Variants in PRKN observed in about 807,000 individuals in gnomAD.
PRKN encodes the protein E3 ubiquitin-protein ligase parkin.
In PRKN, 56 loss-of-function variants were observed where a neutral mutation model predicts 59.5. The ratio of observed to expected loss-of-function variants is 0.94; its 90% CI spans 0.76 to 1.18. PRKN has a LOEUF of 1.18. Among genes scored for constraint, PRKN ranks in the 50% most tolerant of loss-of-function variants. PRKN has a pLI of 0.00. For missense variants in PRKN, 657 were observed against 596.4 expected, an observed-to-expected ratio of 1.10 and a Z score of -1.06; for synonymous variants, 250 against 222.1, an observed-to-expected ratio of 1.13 and a Z score of -1.12.
intron 2 of PRKN, among the ~76,000 whole-genome samples, chr6:162,319,403 T>C (rs1378707303): frequency 6.6e-6 from 1 of 152,012 alleles, no homozygotes; most frequent in Non-Finnish European, 1.5e-5. Flanking sequence ...CGTCCGTTGC[T>C]GCAGTTGATT....
At chr6:162,578,793 T>G (rs1445253334) in intron 1 of PRKN, among the ~76,000 whole-genome samples, 1 of 152,212 alleles carries the variant, frequency 6.6e-6, no homozygotes, top group Non-Finnish European at 1.5e-5. Context: ...CTCATCAAAA[T>G]GCAAAATTTC....
intron 1 of PRKN, among the ~76,000 whole-genome samples, chr6:162,451,795 G>T (rs1790639485): frequency 1.3e-5 from 2 of 151,848 alleles, no homozygotes; most frequent in African/African-American, 4.8e-5. Context: ...AAGAAAAAAT[G>T]AAAGAATGGG....
At chr6:161,777,242 T>C (rs777833075) in intron 7 of PRKN, among the ~76,000 whole-genome samples, 1 of 152,160 alleles carries the variant, frequency 6.6e-6, no homozygotes, top group Non-Finnish European at 1.5e-5. Flanking sequence ...TCATTACTCG[T>C]TTTTGAATTT....
chr6:162,653,219 A>C (rs1222928789), intron 1 of PRKN, among the ~76,000 whole-genome samples: 1 of 152,214 alleles, frequency 6.6e-6, no homozygotes, highest in Non-Finnish European at 1.5e-5. Flanking sequence ...AAGAGGTCCA[A>C]AGCAGTTTCA....
intron 2 of PRKN, among the ~76,000 whole-genome samples, chr6:162,285,224 A>G (rs1437933617): frequency 6.7e-6 from 1 of 150,298 alleles, no homozygotes; most frequent in Non-Finnish European, 1.5e-5. Flanking sequence ...CGAATTCTAT[A>G]GCAGCAGGCA....
chr6:161,403,866 C>A lies in PRKN; in HGVS notation c.1084-16989G>T, dbSNP rs1787152912. Among the ~76,000 whole-genome samples the A allele has an allele frequency of 2.0e-5, 3 of 152,174 alleles. No individual in the cohort carries two copies. The South Asian group carries it at 6.2e-4, about 32-fold the overall frequency. ...AGCTTTGTTAAAAACCTTTCTCTCT[C>A]TTTCACACATGCCTTTGCCCTTCTG... On this transcript the variant is annotated intron_variant, in intron 9 of 11. Transcript: ENST00000366898.
chr6:161,358,128 G>T, intron 11 of PRKN, among the ~76,000 whole-genome samples: 1 of 131,744 alleles, frequency 7.6e-6, no homozygotes, highest in Non-Finnish European at 1.6e-5. Flanking sequence ...AATGTGTGTG[G>T]GGGTGTGGGT....
At chr6:162,432,788 G>A (rs974124608) in intron 2 of PRKN, among the ~76,000 whole-genome samples, 4 of 152,032 alleles carry the variant, frequency 2.6e-5, no homozygotes, top group Admixed American at 2.0e-4. Flanking sequence ...ACATTCAAGC[G>A]ACTCATGAAT....
rs143039465 is a variant in PRKN, at chr6:162,126,459, G to A, written c.535-72285C>T. On this transcript the variant is annotated intron_variant, in intron 4 of 11. Coordinates refer to ENST00000366898, the MANE Select transcript of PRKN (RefSeq NM_004562.3). ...ACAACCCTTCTTCACTTAGTTTATC[G>A]TTATTTAGGAAAAGGTCAAATTATG... Among the ~76,000 whole-genome samples, 68 of 152,222 alleles carry A rather than the reference G, an allele frequency of 4.5e-4. 1 individual carries two copies. In the East Asian group the frequency reaches 0.011, roughly 24 times the overall value.
Position 162,414,726 on chromosome 6 carries a change from A to AAAAAAAAAAAAAAAAAAAAAAAGT in PRKN, c.171+28583_171+28584insACTTTTTTTTTTTTTTTTTTTTTT, listed in dbSNP as rs34838356. On this transcript the variant is annotated intron_variant, in intron 2 of 11. Transcript: ENST00000366898. ...ACTCCGTCTCAAAAAAAAAAAAAAA[A>AAAAAAAAAAAAAAAAAAAAAAAGT]AGTGAATCTTTGAAGTTTTAAAATA... 1.7e-3 allele frequency among the ~76,000 whole-genome samples: 160 copies of AAAAAAAAAAAAAAAAAAAAAAAGT among 91,814 alleles called. 35 individuals carry two copies. Among genetic ancestry groups the AAAAAAAAAAAAAAAAAAAAAAAGT allele is most frequent in the Non-Finnish European group, 2.2e-3 (107 of 47,936 alleles). 60.2% of individuals were successfully genotyped at this position (91,814 alleles called of 152,430 possible). A position where few individuals can be genotyped will look rare whatever the true frequency, so the allele number is the denominator to read the frequency against.
intron 4 of PRKN, among the ~76,000 whole-genome samples, chr6:162,121,434 A>G (rs979313512): frequency 2.0e-5 from 3 of 152,130 alleles, no homozygotes; most frequent in Non-Finnish European, 4.4e-5. Context: ...AAAAAGAAGG[A>G]CAGTACTTGA....
intron 7 of PRKN, among the ~76,000 whole-genome samples, chr6:161,633,185 C>A (rs113612645): frequency 2.6e-5 from 4 of 152,256 alleles, no homozygotes; most frequent in African/African-American, 9.6e-5. Flanking sequence ...TCTGACTGCA[C>A]ACACATACAC....
chr6:162,603,439 C>T (rs547766231), intron 1 of PRKN, among the ~76,000 whole-genome samples: 2 of 152,266 alleles, frequency 1.3e-5, no homozygotes, highest in African/African-American at 2.4e-5. Flanking sequence ...TGCTGGAACC[C>T]AGTCCCACCC....
chr6:162,611,130 C>A (rs1382835102), intron 1 of PRKN, among the ~76,000 whole-genome samples: 3 of 151,980 alleles, frequency 2.0e-5, no homozygotes, highest in African/African-American at 4.8e-5. Flanking sequence ...TATACAATTG[C>A]TTAAGTAAAT....
chr6:161,569,182 A>T (rs1780771783), intron 8 of PRKN, among the ~76,000 whole-genome samples, 173 bp downstream of exon 8: 1 of 152,224 alleles, frequency 6.6e-6, no homozygotes, highest in Non-Finnish European at 1.5e-5. Flanking sequence ...GTCAGGTCTG[A>T]TGGATAGAAG....
chr6:161,780,094 G>C (rs1208338108), intron 7 of PRKN, among the ~76,000 whole-genome samples: 2 of 152,110 alleles, frequency 1.3e-5, no homozygotes, highest in Non-Finnish European at 2.9e-5. Context: ...TACTTCATAA[G>C]GCATTATTTT....
chr6:161,733,796 ATG>A (rs1554298496), intron 7 of PRKN, among the ~76,000 whole-genome samples: 1,141 of 77,130 alleles, frequency 0.015, 16 homozygotes, highest in African/African-American at 0.022. Context: ...ATATATATAT[ATG>A]TATATATATA....
At chr6:162,390,939 C>T (rs956506958) in intron 2 of PRKN, among the ~76,000 whole-genome samples, 2 of 152,004 alleles carry the variant, frequency 1.3e-5, no homozygotes, top group African/African-American at 2.4e-5. Flanking sequence ...TTATTCTTAA[C>T]GTAAGTCAAA....
intron 2 of PRKN, among the ~76,000 whole-genome samples, chr6:162,407,046 T>C (rs1214055686): frequency 3.3e-5 from 5 of 152,186 alleles, no homozygotes; most frequent in African/African-American, 9.7e-5. Context: ...TCATGTGATC[T>C]AAACGAGGGT....
Sources: gnomAD v4.1 joint callset for allele counts (sites outside exome capture counted in the v4.1 genomes callset) on GRCh38, gnomAD v4.1.1 for gene constraint, MANE v1.5 for transcripts, NCBI Gene and HGNC (gene_info 2026-07-23, HGNC 2026-07-21) for gene names.